DPP10: variants seen among roughly 807,000 people sequenced by gnomAD.
DPP10 encodes the protein inactive dipeptidyl peptidase 10.
DPP10 carries 33 observed loss-of-function variants against 120.9 expected under a neutral mutation model. The observed-to-expected ratio is 0.27, with a 90% CI of 0.21 to 0.37. The LOEUF is 0.37. Ranked by LOEUF, DPP10 falls within the 10% of genes least tolerant of loss-of-function variation. The pLI, the probability that DPP10 is intolerant of heterozygous loss-of-function variation, is 1.00. For synonymous variants in DPP10, 337 were observed against 326.1 expected (o/e 1.03, Z -0.36); for missense variants, 816 against 942.8 (o/e 0.87, Z 1.76).
chr2:115,714,488 T>C (rs981404449), intron 7 of DPP10, among the ~76,000 whole-genome samples: 1 of 152,140 alleles, frequency 6.6e-6, no homozygotes, highest in Non-Finnish European at 1.5e-5. Context: ...AAGTAAACAG[T>C]GAATAATTTT....
intron 1 of DPP10, among the ~76,000 whole-genome samples, chr2:114,935,892 A>G (rs1262635111): frequency 6.6e-6 from 1 of 152,036 alleles, no homozygotes; most frequent in Non-Finnish European, 1.5e-5. Context: ...AGTATCCTAG[A>G]ATAATTAACT....
At chr2:114,562,265 G>A (rs547276496) in intron 1 of DPP10, among the ~76,000 whole-genome samples, 55 of 152,274 alleles carry the variant, frequency 3.6e-4, no homozygotes, top group African/African-American at 1.3e-3. Flanking sequence ...AGACTTTTAT[G>A]AAGAACACTT....
At chr2:115,534,905 G>A (rs1307754085) in intron 5 of DPP10, among the ~76,000 whole-genome samples, 5 of 151,966 alleles carry the variant, frequency 3.3e-5, no homozygotes, top group African/African-American at 4.8e-5. Context: ...CTGCATAAAT[G>A]TCTTCTTTTG....
At chr2:115,301,621 G>C (rs1184006920) in intron 1 of DPP10, among the ~76,000 whole-genome samples, 1 of 152,108 alleles carries the variant, frequency 6.6e-6, no homozygotes, top group South Asian at 2.1e-4. Context: ...CTGGTTACCA[G>C]AGCTCCCAAA....
intron 1 of DPP10, among the ~76,000 whole-genome samples, chr2:115,247,874 A>G (rs190197460): frequency 6.6e-6 from 1 of 152,138 alleles, no homozygotes; most frequent in South Asian, 2.1e-4. Context: ...CTTTGGTCCT[A>G]TTCCAACTAG....
intron 5 of DPP10, among the ~76,000 whole-genome samples, chr2:115,559,446 T>C (rs1575175286): frequency 6.6e-6 from 1 of 152,192 alleles, no homozygotes; most frequent in African/African-American, 2.4e-5. Context: ...GCTTTCTTAG[T>C]TTGATATATT....
intron 3 of DPP10, among the ~76,000 whole-genome samples, chr2:115,354,920 T>C (rs2064274531): frequency 6.6e-6 from 1 of 152,222 alleles, no homozygotes; most frequent in South Asian, 2.1e-4. Flanking sequence ...GTGGTATATA[T>C]GTACCACATT....
At chr2:115,431,407 A>G (rs77890262) in intron 3 of DPP10, among the ~76,000 whole-genome samples, 4,579 of 152,252 alleles carry the variant, frequency 0.03, 234 homozygotes, top group African/African-American at 0.1. Flanking sequence ...AGGAATCCCA[A>G]CAGAAACTCT....
chr2:115,688,810 A>T (rs1236462820), intron 5 of DPP10, among the ~76,000 whole-genome samples: 1 of 152,068 alleles, frequency 6.6e-6, no homozygotes, highest in Admixed American at 6.6e-5. Flanking sequence ...GATAGTCTTT[A>T]AAAAAATGGG....
intron 3 of DPP10, among the ~76,000 whole-genome samples, chr2:115,394,512 G>C (rs1236168143): frequency 6.7e-6 from 1 of 150,374 alleles, no homozygotes; most frequent in Non-Finnish European, 1.5e-5. Context: ...AAGCATTACT[G>C]AATGCTACCT....
chr2:115,328,024 C>A (rs1034030966), intron 2 of DPP10, among the ~76,000 whole-genome samples: 1 of 151,926 alleles, frequency 6.6e-6, no homozygotes, highest in African/African-American at 2.4e-5. Flanking sequence ...TTCTGTGACC[C>A]CTGTCTTCCT....
At position 115,481,143 on chromosome 2, in the gene DPP10, A is replaced by G. The variant is rs186489654; in HGVS notation, c.272-18367A>G. Among the ~76,000 whole-genome samples the G allele has an allele frequency of 7.9e-5, 12 of 152,254 alleles. No individual in the cohort carries two copies. The East Asian group carries it at 1.7e-3, about 22-fold the overall frequency. On this transcript the variant is annotated intron_variant, in intron 3 of 25. Transcript: ENST00000410059. ...TGAAAATATATGTTCAAAAGGAGCT[A>G]AACAACTGCATGCTTCACATTTGCC... is the stretch of plus-strand genomic sequence containing the variant.
At chr2:115,265,916 C>T (rs1027077949) in intron 1 of DPP10, among the ~76,000 whole-genome samples, 3 of 149,700 alleles carry the variant, frequency 2.0e-5, no homozygotes, top group African/African-American at 7.4e-5. Flanking sequence ...TGCAATCCAG[C>T]CTGAGCGATG....
At chr2:115,646,501 C>T (rs1381205579) in intron 5 of DPP10, among the ~76,000 whole-genome samples, 1 of 152,116 alleles carries the variant, frequency 6.6e-6, no homozygotes, top group Non-Finnish European at 1.5e-5. Context: ...GCTGAAACAC[C>T]ATGTCTGTAC....
intron 1 of DPP10, among the ~76,000 whole-genome samples, chr2:114,732,026 C>A (rs1420792096): frequency 6.6e-6 from 1 of 152,092 alleles, no homozygotes; most frequent in Non-Finnish European, 1.5e-5. Context: ...GGATGGAATA[C>A]AAGAAGAAAC....
At chr2:114,895,549 T>C (rs945774012) in intron 1 of DPP10, among the ~76,000 whole-genome samples, 2 of 152,144 alleles carry the variant, frequency 1.3e-5, no homozygotes, top group African/African-American at 4.8e-5. Flanking sequence ...CCAAAGGAGA[T>C]TTCACTGGCA....
intron 3 of DPP10, among the ~76,000 whole-genome samples, chr2:115,377,957 C>G (rs956601969): frequency 6.6e-6 from 1 of 151,748 alleles, no homozygotes; most frequent in African/African-American, 2.4e-5. Context: ...TTACTGTAGC[C>G]TTGTAGTATA....
chr2:115,588,238 T>A (rs954399828), intron 5 of DPP10, among the ~76,000 whole-genome samples: 1 of 152,222 alleles, frequency 6.6e-6, no homozygotes, highest in Non-Finnish European at 1.5e-5. Context: ...TTAAAACTTT[T>A]ATGTTTGGTG....
intron 4 of DPP10, among the ~76,000 whole-genome samples, chr2:115,519,266 T>C (rs891432851): frequency 1.6e-4 from 24 of 152,182 alleles, no homozygotes; most frequent in African/African-American, 5.5e-4. Context: ...CTGTTTACAT[T>C]TATTGAGCAA....
Sources: allele counts gnomAD v4.1 joint callset (sites outside exome capture counted in the v4.1 genomes callset), GRCh38; gene constraint gnomAD v4.1.1; transcripts MANE v1.5; gene names NCBI Gene and HGNC (gene_info 2026-07-23, HGNC 2026-07-21).